The following CNOT2 variants were observed in gnomAD, a reference collection of about 807,000 sequenced individuals.
The protein encoded by CNOT2 is CC chemokine receptor 4-negative regulator of transcription 2.
A neutral mutation model predicts 72.1 loss-of-function variants in CNOT2; 7 were observed. The ratio of observed to expected loss-of-function variants is 0.10; its 90% CI spans 0.06 to 0.18. The LOEUF (loss-of-function observed/expected upper bound fraction) is 0.18, where lower values mean the gene tolerates loss of function less well. CNOT2 is among the 10% of genes least tolerant of loss of function. The probability of loss-of-function intolerance (pLI) is 1.00; values close to 1 mark genes in which losing one functional copy is unlikely to be tolerated. For missense variants in CNOT2, 345 were observed against 660.3 expected, an observed-to-expected ratio of 0.52 and a Z score of 5.23; for synonymous variants, 196 against 225.6, an observed-to-expected ratio of 0.87 and a Z score of 1.17.
chr12:70,245,887 A>C (rs1483851262), intron 1 of CNOT2, among the ~76,000 whole-genome samples: 3 of 152,158 alleles, frequency 2.0e-5, no homozygotes, highest in Non-Finnish European at 4.4e-5. Flanking sequence ...TTATTTGTTC[A>C]AAAGTAAATA....
chr12:70,337,287 G>T, intron 8 of CNOT2, 102 bp from the exon 9 acceptor site: 1 of 925,830 alleles, frequency 1.1e-6, no homozygotes, highest in Non-Finnish European at 1.6e-6. Flanking sequence ...TTAAAAAAAA[G>T]AAACCTTTTG....
chr12:70,250,798 A>G (rs1958107823), intron 1 of CNOT2, among the ~76,000 whole-genome samples: 1 of 152,164 alleles, frequency 6.6e-6, no homozygotes, highest in Admixed American at 6.5e-5. Flanking sequence ...TTTCATAAAC[A>G]ATTACTTAGT....
intron 1 of CNOT2, among the ~76,000 whole-genome samples, chr12:70,272,347 A>G (rs2135782580): frequency 6.6e-6 from 1 of 152,314 alleles, no homozygotes; most frequent in South Asian, 2.1e-4. Flanking sequence ...TTCTGAAAAG[A>G]GATAGTCAAG....
At chr12:70,333,805 A>G (rs1327220542) in intron 7 of CNOT2, among the ~76,000 whole-genome samples, 1 of 152,000 alleles carries the variant, frequency 6.6e-6, no homozygotes, top group Non-Finnish European at 1.5e-5. Context: ...ATGTAGTATG[A>G]AATACTGTAT....
At chr12:70,347,684 A>T (rs1361848407) in intron 15 of CNOT2, 2 of 151,816 alleles carry the variant, frequency 1.3e-5, no homozygotes, top group African/African-American at 4.8e-5. Context: ...ACCAAATAAG[A>T]TCCACATAAG....
intron 3 of CNOT2, among the ~76,000 whole-genome samples, chr12:70,316,677 G>A (rs945669270): frequency 1.3e-5 from 2 of 152,070 alleles, no homozygotes; most frequent in Non-Finnish European, 2.9e-5. Flanking sequence ...TTCATGTAGT[G>A]GCACATAGAG....
At chr12:70,281,628 G>T (rs1464432766) in intron 2 of CNOT2, among the ~76,000 whole-genome samples, 2 of 152,160 alleles carry the variant, frequency 1.3e-5, no homozygotes, top group Non-Finnish European at 2.9e-5. Context: ...CATGATTCAA[G>T]AATTAAGTAT....
intron 2 of CNOT2, among the ~76,000 whole-genome samples, chr12:70,283,333 A>G (rs74835588): frequency 6.6e-6 from 1 of 151,992 alleles, no homozygotes; most frequent in African/African-American, 2.4e-5. Flanking sequence ...AGTGCTGTGC[A>G]CCTGTAGTCC....
At chr12:70,304,858 C>T (rs1339733935) in intron 2 of CNOT2, among the ~76,000 whole-genome samples, 4 of 152,242 alleles carry the variant, frequency 2.6e-5, no homozygotes, top group African/African-American at 9.6e-5. Flanking sequence ...TTTACCTACT[C>T]AAGCCTTGGC....
intron 1 of CNOT2, among the ~76,000 whole-genome samples, chr12:70,247,112 G>A (rs574574673): frequency 1.3e-5 from 2 of 151,650 alleles, no homozygotes; most frequent in South Asian, 4.2e-4. Flanking sequence ...TAGATATATA[G>A]TTAGATATTT....
chr12:70,346,840 T>C (rs74101501), intron 15 of CNOT2, among the ~76,000 whole-genome samples: 7,847 of 152,158 alleles, frequency 0.052, 457 homozygotes, highest in African/African-American at 0.14. Flanking sequence ...TATGGAGAAA[T>C]GTTGATTATT....
chr12:70,342,507 C>T (rs147080961), intron 13 of CNOT2, 200 bp downstream of exon 13: 4 of 579,840 alleles, frequency 6.9e-6, no homozygotes, highest in African/African-American at 5.6e-5. Flanking sequence ...CAACAGGTTA[C>T]AACCATAACC....
At chr12:70,332,936 T>C in intron 7 of CNOT2, 90 bp downstream of exon 7, 1 of 1,383,472 alleles carries the variant, frequency 7.2e-7, no homozygotes, top group Non-Finnish European at 9.4e-7. Context: ...TTAAATACGG[T>C]AGGATTTTTT....
rs1175362532 is a variant in CNOT2, at chr12:70,284,896, A to G, written c.48+6622A>G. ...CCAAAAGAAACTCTGCTAAATAAGT[A>G]ATTAGGTCCAAATCACTTATATTCA... On this transcript the variant is annotated intron_variant, in intron 2 of 15. Transcript: ENST00000229195. 2.0e-5 allele frequency among the ~76,000 whole-genome samples: 3 copies of G among 152,302 alleles called. No individual in the cohort carries two copies. In the East Asian group the frequency reaches 5.8e-4, roughly 29 times the overall value.
At chr12:70,279,827 T>TTCACATCATATGCTAGCTAATTCA (rs1869500993) in intron 2 of CNOT2, among the ~76,000 whole-genome samples, 1 of 152,174 alleles carries the variant, frequency 6.6e-6, no homozygotes, top group African/African-American at 2.4e-5. Flanking sequence ...AATTATGTTT[T>TTCACATCATATGCTAGCTAATTCA]ATACATGAAG....
intron 9 of CNOT2, chr12:70,337,883 GCTT>G (rs1295724094): frequency 2.6e-6 from 1 of 377,834 alleles, no homozygotes; most frequent in Non-Finnish European, 5.1e-6. Flanking sequence ...AACCAACTCA[GCTT>G]CTTCTTTCTG....
chr12:70,339,014 ATGTGTGTGTGTGTG>A (rs143055295), intron 11 of CNOT2, among the ~76,000 whole-genome samples, 192 bp downstream of exon 11: 42 of 131,048 alleles, frequency 3.2e-4, no homozygotes, highest in Admixed American at 6.8e-4. Flanking sequence ...TTGGCATTTT[ATGTGTGTGTGTGTG>A]TGTGTGTGTG....
chr12:70,281,006 A>T (rs1869720762), intron 2 of CNOT2, among the ~76,000 whole-genome samples: 1 of 150,308 alleles, frequency 6.7e-6, no homozygotes, highest in South Asian at 2.1e-4. Flanking sequence ...ATTTAGACTA[A>T]CTTACCCTAG....
chr12:70,327,077 TATGTGGAGACTTGAAGGAGTCAAATCTCA>T (rs973346972), intron 4 of CNOT2, among the ~76,000 whole-genome samples: 6 of 152,018 alleles, frequency 3.9e-5, no homozygotes, highest in African/African-American at 1.4e-4. Flanking sequence ...GAATAATATG[TATGTGGAGACTTGAAGGAGTCAAATCTCA>T]ATGAGCCTTT....
Sources: gnomAD v4.1 joint callset for allele counts (sites outside exome capture counted in the v4.1 genomes callset) on GRCh38, gnomAD v4.1.1 for gene constraint, MANE v1.5 for transcripts, NCBI Gene and HGNC (gene_info 2026-07-23, HGNC 2026-07-21) for gene names.